The following OXNAD1 variants were observed in gnomAD, a reference collection of about 807,000 sequenced individuals.
The protein encoded by OXNAD1 is oxidoreductase NAD binding domain containing 1, also known as oxidoreductase NAD-binding domain-containing protein 1.
Under a neutral mutation model 32.9 loss-of-function variants are expected in OXNAD1, and 34 were observed. The ratio of observed to expected loss-of-function variants is 1.03; its 90% CI spans 0.79 to 1.38. The LOEUF (loss-of-function observed/expected upper bound fraction) is 1.38, where lower values mean the gene tolerates loss of function less well. OXNAD1 is among the 40% of genes most tolerant of loss of function. The pLI is 0.00. For missense variants in OXNAD1, 407 were observed against 379.4 expected (o/e 1.07, Z -0.60); for synonymous variants, 134 against 135.2 (o/e 0.99, Z 0.06).
downstream of OXNAD1, among the ~76,000 whole-genome samples, chr3:16,310,422 A>G (rs180787043): frequency 7.5e-4 from 114 of 152,328 alleles, 1 homozygote; most frequent in Non-Finnish European, 1.3e-4. Flanking sequence ...ATTTCTTACT[A>G]TCTTTAAGCC....
At chr3:16,315,980 A>G (rs920485746) in intron 9 of OXNAD1, 1 of 152,188 alleles carries the variant, frequency 6.6e-6, no homozygotes, top group Admixed American at 6.5e-5. Context: ...AAGCCTTAAT[A>G]CTTTCTGGAC....
intron 5 of OXNAD1, among the ~76,000 whole-genome samples, chr3:16,286,930 C>A (rs2066113212): frequency 6.6e-6 from 1 of 152,178 alleles, no homozygotes; most frequent in Non-Finnish European, 1.5e-5. Flanking sequence ...ACCCTCTTGA[C>A]TGAATTTGTC....
At position 16,320,153 on chromosome 3, in the gene OXNAD1, CATG is replaced by C. The variant is rs554459661; in HGVS notation, c.*30+16565_*30+16567del. 4.2e-3 allele frequency among the ~76,000 whole-genome samples: 645 copies of C among 152,326 alleles called. 5 individuals are homozygous for C. Among genetic ancestry groups the C allele is most frequent in the African/African-American group, 0.015 (605 of 41,572 alleles). ...TAATTTGCACATTTTAAAAACTGCC[CATG>C]ATGTGTCCACTTCAAGTAGTTTAGC... On this transcript the variant is annotated intron_variant, in intron 9 of 9. Transcript: ENST00000435829. This position sits in a 1 kb window ranked among gnomAD's most constrained non-coding sequence, Gnocchi z 4.5.
At position 16,314,421 on chromosome 3, in the gene OXNAD1, T is replaced by C. The variant is rs1575193472; in HGVS notation, c.*30+10829T>C. ...GACCCTGTGGCCAGTGGTATTCAACTTTGGCTGCACCTAGAGTCCTCTGGG... is the reference window on the plus strand; with the variant it reads ...GACCCTGTGGCCAGTGGTATTCAACCTTGGCTGCACCTAGAGTCCTCTGGG... On this transcript the variant is annotated intron_variant, in intron 9 of 9. Coordinates refer to the OXNAD1 transcript ENST00000435829. This position sits in a 1 kb window ranked among gnomAD's most constrained non-coding sequence, Gnocchi z 4.4. 1 of 152,310 alleles carries C rather than the reference T, an allele frequency of 6.6e-6. No individual in the cohort carries two copies. Among genetic ancestry groups the C allele is most frequent in the African/African-American group, 2.4e-5 (1 of 41,568 alleles). The allele number at this position is 152,310 out of a possible 1,614,324, so 9.4% of individuals were successfully genotyped here.
Position 16,269,096 on chromosome 3 carries a change from C to T in OXNAD1, c.-158-30C>T. On this transcript the variant is annotated intron_variant, in intron 1 of 8. Transcript: ENST00000285083. ...AGTGCTTTTGATCAGTTCCCCAAAA[C>T]ATTGTTATATGTTGTTTGTGCCATT... The T allele has an allele frequency of 4.9e-6, 7 of 1,420,436 alleles. No homozygotes were observed. In the South Asian group the frequency reaches 1.1e-4, roughly 23 times the overall value. 88.0% of individuals were successfully genotyped at this position (1,420,436 alleles called of 1,614,324 possible). A position where few individuals can be genotyped will look rare whatever the true frequency, so the allele number is the denominator to read the frequency against.
At position 16,288,433 on chromosome 3, in the gene OXNAD1, A is replaced by G. The variant is rs550319351; in HGVS notation, c.290+1985A>G. On this transcript the variant is annotated intron_variant, in intron 5 of 8. Coordinates refer to ENST00000285083, the MANE Select transcript of OXNAD1 (RefSeq NM_138381.5). The surrounding 1 kb of genome is among the most constrained non-coding windows in gnomAD (Gnocchi z 5.1). ...CCAGTGGCTTCCTCTGACACCTACC[A>G]AACTCTGAGAATGAGGTTCCAGGCA... 2.0e-5 allele frequency among the ~76,000 whole-genome samples: 3 copies of G among 152,300 alleles called. No individual in the cohort carries two copies. The South Asian group carries it at 6.2e-4, about 32-fold the overall frequency.
intron 4 of OXNAD1, among the ~76,000 whole-genome samples, chr3:16,281,618 A>G (rs1045148000): frequency 2.6e-5 from 4 of 152,230 alleles, no homozygotes; most frequent in African/African-American, 7.2e-5. Flanking sequence ...TCCAAATGAA[A>G]ATATGGCTTA....
In OXNAD1 at chr3:16,294,804, C is replaced by G. The variant is rs112252010; in HGVS notation, c.291-52C>G. 0.038 allele frequency: 57,736 copies of G among 1,531,984 alleles called. 1,244 individuals carry two copies. Among genetic ancestry groups the G allele is most frequent in the Middle Eastern group, 0.096 (545 of 5,654 alleles). 94.9% of individuals were successfully genotyped at this position (1,531,984 alleles called of 1,614,324 possible). A position where few individuals can be genotyped will look rare whatever the true frequency, so the allele number is the denominator to read the frequency against. Reference sequence around the variant, plus strand: ...AGGTTTGTCAATTCTGTTTAATTTACCAATTTTTAAAATTGCTTCAACAAT... The same window carrying G: ...AGGTTTGTCAATTCTGTTTAATTTAGCAATTTTTAAAATTGCTTCAACAAT... On this transcript the variant is annotated intron_variant, in intron 5 of 8. Coordinates refer to ENST00000285083, the MANE Select transcript of OXNAD1 (RefSeq NM_138381.5).
chr3:16,306,368 G>A (rs1044754710), downstream of OXNAD1, among the ~76,000 whole-genome samples: 14 of 151,976 alleles, frequency 9.2e-5, no homozygotes, highest in East Asian at 7.7e-4. Context: ...CAATTGTATC[G>A]TGTCACTTCT....
rs780630420 is a variant in OXNAD1 at position 16,271,052 on chromosome 3, C to T, written c.100C>T (p.Arg34Cys). ...ASLRLTLSTL[R>C]HLTLTSIMKS... ...ACTGAGATTGACACTCAGCACTTTG[C>T]GCCACCTTACTCTAACCAGGTGAGT... Residue 34 changes from arginine to cysteine, a missense_variant, in exon 3 of 9, where the codon CGC becomes TGC. Coordinates refer to ENST00000285083, the MANE Select transcript of OXNAD1 (RefSeq NM_138381.5). This position sits in a 1 kb window ranked among gnomAD's most constrained non-coding sequence, Gnocchi z 4.6. 5.6e-6 allele frequency: 9 copies of T among 1,613,890 alleles called. No individual in the cohort carries two copies. The highest frequency in any genetic ancestry group is 3.3e-5 in the Admixed American group (2 of 59,986).
intron 4 of OXNAD1, among the ~76,000 whole-genome samples, chr3:16,273,856 A>G (rs1408345341): frequency 1.3e-5 from 2 of 152,106 alleles, no homozygotes; most frequent in African/African-American, 4.8e-5. Flanking sequence ...ACATTTTTCA[A>G]ATTTGTGTGG....
Position 16,265,557 on chromosome 3 carries a change from G to A in OXNAD1, c.-159+52G>A, listed in dbSNP as rs6791453. ...GACGCCTTAAAATACCCTAAATTGT[G>A]TTGCTGAAAGGACCAAGCCCTGGAA... On this transcript the variant is annotated intron_variant, in intron 1 of 8. Coordinates refer to ENST00000285083, the MANE Select transcript of OXNAD1 (RefSeq NM_138381.5). This position sits in a 1 kb window ranked among gnomAD's most constrained non-coding sequence, Gnocchi z 4.8. The A allele has an allele frequency of 5.9e-5, 9 of 152,340 alleles. No homozygotes were observed. Among genetic ancestry groups the A allele is most frequent in the African/African-American group, 2.2e-4 (9 of 41,528 alleles). 9.4% of individuals were successfully genotyped at this position (152,340 alleles called of 1,614,324 possible). A position where few individuals can be genotyped will look rare whatever the true frequency, so the allele number is the denominator to read the frequency against.
At chr3:16,349,925 C>T (rs1417434006) in exon 10 of OXNAD1, 1 of 152,234 alleles carries the variant, frequency 6.6e-6, no homozygotes, top group African/African-American at 2.4e-5. Flanking sequence ...AGGCTGAATT[C>T]CTTCCTCTTC....
chr3:16,296,961 G>T (rs1046681733), intron 6 of OXNAD1, among the ~76,000 whole-genome samples: 1 of 151,954 alleles, frequency 6.6e-6, no homozygotes, highest in Non-Finnish European at 1.5e-5. Flanking sequence ...AATACCAAAA[G>T]CAAGATCCAT....
At position 16,303,505 on chromosome 3, in the gene OXNAD1, G is replaced by A; in HGVS notation, c.882G>A (p.Lys294=). 6.2e-7 allele frequency: 1 copy of A among 1,614,002 alleles called. No individual in the cohort carries two copies. The part of the protein sequence containing the change: ...GPPPMTDFFS[K]QLENNHVPKE... Reference sequence around the variant, plus strand: ...CTCCAATGACAGACTTTTTCTCCAAGCAACTGGAAAACAACCATGTACCCA... The same window carrying A: ...CTCCAATGACAGACTTTTTCTCCAAACAACTGGAAAACAACCATGTACCCA... Residue 294 remains lysine (K), a synonymous_variant, in exon 9 of 9, where the codon AAG becomes AAA. Transcript: ENST00000285083. The surrounding 1 kb of genome is among the most constrained non-coding windows in gnomAD (Gnocchi z 4.8).
At chr3:16,347,663 G>A (rs1396473845) in intron 9 of OXNAD1, 1 of 152,230 alleles carries the variant, frequency 6.6e-6, no homozygotes, top group African/African-American at 2.4e-5. Flanking sequence ...TCTCTGGAAG[G>A]AGCTTTCTCT....
intron 4 of OXNAD1, chr3:16,272,357 G>A: frequency 8.6e-6 from 2 of 232,032 alleles, no homozygotes; most frequent in Non-Finnish European, 1.8e-5. Context: ...AACATAAATC[G>A]GATATTTGAT....
rs1350257486 is a variant in OXNAD1 at position 16,293,058 on chromosome 3, G to T, written c.291-1798G>T. Among the ~76,000 whole-genome samples the T allele has an allele frequency of 2.0e-5, 3 of 152,176 alleles. No individual in the cohort carries two copies. The East Asian group carries it at 5.8e-4, about 29-fold the overall frequency. On this transcript the variant is annotated intron_variant, in intron 5 of 8. Transcript: ENST00000285083. The stretch of plus-strand genomic sequence containing the variant: ...TGATCAACTTGTCAATTTCTACAAT[G>T]AAAACACCTGGGGTTTTAGTAAGTA...
intron 4 of OXNAD1, among the ~76,000 whole-genome samples, chr3:16,276,791 G>C (rs2065361292): frequency 6.6e-6 from 1 of 152,020 alleles, no homozygotes; most frequent in African/African-American, 2.4e-5. Flanking sequence ...AAACTACAAA[G>C]AAAGTTAATG....
Sources: gnomAD v4.1 joint callset for allele counts (sites outside exome capture counted in the v4.1 genomes callset) on GRCh38, gnomAD v4.1.1 for gene constraint, Gnocchi (gnomAD v3.1) non-coding constraint, MANE v1.5 for transcripts, NCBI Gene and HGNC (gene_info 2026-07-23, HGNC 2026-07-21) for gene names.